Variants in CADPS observed in about 807,000 individuals in gnomAD.
The protein encoded by CADPS is calcium dependent secretion activator.
In CADPS, 57 loss-of-function variants were observed where a neutral mutation model predicts 167.3. The observed-to-expected ratio is 0.34, with a 90% CI of 0.28 to 0.42. The LOEUF (loss-of-function observed/expected upper bound fraction) is 0.42. CADPS is among the 20% of genes least tolerant of loss of function. The pLI is 1.00. For missense variants in CADPS, 1,414 were observed against 1,738.1 expected, an observed-to-expected ratio of 0.81 and a Z score of 3.32; for synonymous variants, 676 against 635.3, an observed-to-expected ratio of 1.06 and a Z score of -0.96.
rs1190114784 is a variant in CADPS at position 62,646,201 on chromosome 3, A to C, written c.1204-358T>G. ...TTTTGAGATGGAGTCTCGCTCTGTCACCCAGGCTGGAGTGGTGCAATGGCG... is the reference window on the plus strand; with the variant it reads ...TTTTGAGATGGAGTCTCGCTCTGTCCCCCAGGCTGGAGTGGTGCAATGGCG... On this transcript the variant is annotated intron_variant, in intron 5 of 29. Coordinates refer to ENST00000383710, the MANE Select transcript of CADPS (RefSeq NM_003716.4). 3.6e-5 allele frequency among the ~76,000 whole-genome samples: 5 copies of C among 138,542 alleles called. No homozygotes were observed. In the Admixed American group the frequency reaches 4.0e-4, roughly 11 times the overall value. The allele number at this position is 138,542 out of a possible 152,430, so 90.9% of individuals were successfully genotyped here. A position where few individuals can be genotyped will look rare whatever the true frequency, so the allele number is the denominator to read the frequency against.
intron 28 of CADPS, among the ~76,000 whole-genome samples, chr3:62,419,677 C>A (rs546136696): frequency 1.1e-4 from 16 of 152,214 alleles, no homozygotes; most frequent in African/African-American, 3.9e-4. Context: ...TCTGCCCACT[C>A]CCCTGATCGC....
At chr3:62,580,029 T>C (rs892128504) in intron 8 of CADPS, among the ~76,000 whole-genome samples, 6 of 152,154 alleles carry the variant, frequency 3.9e-5, no homozygotes, top group Non-Finnish European at 8.8e-5. Context: ...TGGTGGCTCA[T>C]GCCTGTAATC....
At chr3:62,836,242 C>A (rs1340661666) in intron 1 of CADPS, among the ~76,000 whole-genome samples, 1 of 152,142 alleles carries the variant, frequency 6.6e-6, no homozygotes, top group African/African-American at 2.4e-5. Flanking sequence ...TCTCAGGGAA[C>A]TTTTTAAATT....
chr3:62,789,955 T>C (rs1026528603), intron 1 of CADPS, among the ~76,000 whole-genome samples: 7 of 152,174 alleles, frequency 4.6e-5, no homozygotes, highest in Admixed American at 1.3e-4. Flanking sequence ...AATAGAGCCT[T>C]GAAAAAAATA....
At chr3:62,746,725 T>C (rs1005516963) in intron 3 of CADPS, among the ~76,000 whole-genome samples, 1 of 152,172 alleles carries the variant, frequency 6.6e-6, no homozygotes, top group South Asian at 2.1e-4. Flanking sequence ...CTGGAGATTC[T>C]ACAGCTGCAA....
At chr3:62,466,106 C>T (rs969383715) in intron 25 of CADPS, among the ~76,000 whole-genome samples, 7 of 152,120 alleles carry the variant, frequency 4.6e-5, no homozygotes, top group Non-Finnish European at 1.0e-4. Context: ...CCTAGCGCAA[C>T]GTTTGGGGAC....
chr3:62,661,867 T>C (rs890818855), intron 4 of CADPS, among the ~76,000 whole-genome samples: 1 of 151,988 alleles, frequency 6.6e-6, no homozygotes, highest in Non-Finnish European at 1.5e-5. Flanking sequence ...GTGTGGAACA[T>C]TGCAGGGAGA....
intron 1 of CADPS, among the ~76,000 whole-genome samples, chr3:62,781,001 T>C (rs2091466914): frequency 1.3e-5 from 2 of 152,200 alleles, no homozygotes; most frequent in Admixed American, 6.5e-5. Context: ...ACATTTATTT[T>C]TTAAAAAGAT....
intron 1 of CADPS, among the ~76,000 whole-genome samples, chr3:62,822,632 A>G (rs2073189829): frequency 6.6e-6 from 1 of 152,172 alleles, no homozygotes; most frequent in Non-Finnish European, 1.5e-5. Context: ...ACTTGAGGTC[A>G]GGAGTTCGAG....
At chr3:62,869,421 T>G (rs941218303) in intron 1 of CADPS, among the ~76,000 whole-genome samples, 62 of 152,102 alleles carry the variant, frequency 4.1e-4, no homozygotes, top group Non-Finnish European at 8.5e-4. Flanking sequence ...TGCCTAACAG[T>G]GACTCTTTTC....
chr3:62,844,622 G>C (rs1466511412), intron 1 of CADPS, among the ~76,000 whole-genome samples: 1 of 152,160 alleles, frequency 6.6e-6, no homozygotes, highest in East Asian at 1.9e-4. Context: ...GTAGGTATCG[G>C]GGTCTATAGT....
chr3:62,474,052 A>T, intron 24 of CADPS, 121 bp downstream of exon 24: 1 of 656,854 alleles, frequency 1.5e-6, no homozygotes, highest in Non-Finnish European at 2.5e-6. Flanking sequence ...TTAATCCACA[A>T]ATGTTAGAGT....
intron 6 of CADPS, among the ~76,000 whole-genome samples, chr3:62,595,296 C>T (rs2058750284): frequency 1.3e-5 from 2 of 152,046 alleles, no homozygotes; most frequent in East Asian, 1.9e-4. Flanking sequence ...ATTAGCAAAA[C>T]GTTTGAGGTA....
intron 26 of CADPS, among the ~76,000 whole-genome samples, chr3:62,447,102 G>T (rs2057340539): frequency 1.3e-5 from 2 of 152,244 alleles, no homozygotes; most frequent in South Asian, 2.1e-4. Flanking sequence ...GGTGGAAAGA[G>T]CCCAGAATAT....
intron 1 of CADPS, among the ~76,000 whole-genome samples, chr3:62,851,945 T>C (rs1331489124): frequency 2.3e-4 from 35 of 151,626 alleles, no homozygotes; most frequent in Admixed American, 3.9e-4. Context: ...TTCACATAGT[T>C]CCATATTTCT....
chr3:62,634,739 G>C (rs1265631491), intron 6 of CADPS, among the ~76,000 whole-genome samples: 1 of 152,146 alleles, frequency 6.6e-6, no homozygotes, highest in Non-Finnish European at 1.5e-5. Flanking sequence ...AAACTTGAAG[G>C]TATCTCTACC....
intron 1 of CADPS, among the ~76,000 whole-genome samples, chr3:62,803,777 T>A (rs1445809506): frequency 6.6e-6 from 1 of 152,090 alleles, no homozygotes; most frequent in Non-Finnish European, 1.5e-5. Flanking sequence ...CCTCTCGTTT[T>A]CCCAGGATAC....
At chr3:62,669,283 T>C (rs2075084260) in intron 3 of CADPS, among the ~76,000 whole-genome samples, 1 of 152,198 alleles carries the variant, frequency 6.6e-6, no homozygotes, top group African/African-American at 2.4e-5. Flanking sequence ...TCCCATCAGC[T>C]GGCAGGGCCC....
At chr3:62,839,739 G>A (rs568577131) in intron 1 of CADPS, among the ~76,000 whole-genome samples, 6 of 152,242 alleles carry the variant, frequency 3.9e-5, no homozygotes, top group Non-Finnish European at 5.9e-5. Flanking sequence ...GATGGAAAAC[G>A]GCAAGAACCA....
Sources: gnomAD v4.1 joint callset for allele counts (sites outside exome capture counted in the v4.1 genomes callset) on GRCh38, gnomAD v4.1.1 for gene constraint, MANE v1.5 for transcripts, NCBI Gene and HGNC (gene_info 2026-07-23, HGNC 2026-07-21) for gene names.